The following PLD5 variants were observed in gnomAD, a reference collection of about 807,000 sequenced individuals.
PLD5 encodes the protein phospholipase D family member 5.
Under a neutral mutation model 61.1 loss-of-function variants are expected in PLD5, and 36 were observed. The ratio of observed to expected loss-of-function variants is 0.59; its 90% confidence interval spans 0.45 to 0.78. The LOEUF (loss-of-function observed/expected upper bound fraction) is 0.78, where lower values mean the gene tolerates loss of function less well. Ranked by LOEUF, PLD5 falls within the 30% of genes least tolerant of loss-of-function variation. The probability of loss-of-function intolerance (pLI) is 0.00; values close to 1 mark genes in which losing one functional copy is unlikely to be tolerated. For synonymous variants in PLD5, 243 were observed against 242.8 expected (o/e 1.00, Z -0.01); for missense variants, 515 against 644.4 (o/e 0.80, Z 2.17).
intron 5 of PLD5, among the ~76,000 whole-genome samples, chr1:242,157,842 T>G (rs1355761339): frequency 6.6e-6 from 1 of 152,222 alleles, no homozygotes; most frequent in Admixed American, 6.5e-5. Context: ...GCTCCAACGC[T>G]GTGCTGGGGG....
chr1:242,426,886 T>A (rs959227037), intron 1 of PLD5, among the ~76,000 whole-genome samples: 1 of 152,208 alleles, frequency 6.6e-6, no homozygotes, highest in African/African-American at 2.4e-5. Flanking sequence ...GCAGAAGTGA[T>A]GTGCGCCACC....
At chr1:242,111,185 T>C (rs1661463167) in intron 7 of PLD5, among the ~76,000 whole-genome samples, 1 of 151,942 alleles carries the variant, frequency 6.6e-6, no homozygotes, top group African/African-American at 2.4e-5. Context: ...GCCTCCCGAG[T>C]AGCTGGGATT....
At chr1:242,437,229 A>G (rs979998378) in intron 1 of PLD5, among the ~76,000 whole-genome samples, 1 of 152,286 alleles carries the variant, frequency 6.6e-6, no homozygotes, top group Middle Eastern at 3.4e-3. Context: ...ATTTAAATCG[A>G]AAGTAACTGA....
chr1:242,399,783 C>T (rs1414640094), intron 1 of PLD5, among the ~76,000 whole-genome samples: 7 of 152,204 alleles, frequency 4.6e-5, no homozygotes, highest in African/African-American at 1.7e-4. Context: ...TGAGCTCCGC[C>T]TCCTGTCAGA....
rs549801377 is a variant in PLD5, at chr1:242,235,414, T to C, written c.608-15299A>G. 1.2e-3 allele frequency: 190 copies of C among 152,332 alleles called. 2 individuals carry two copies. The highest frequency in any genetic ancestry group is 4.1e-3 in the African/African-American group (172 of 41,570). The allele number at this position is 152,332 out of a possible 1,614,324, so 9.4% of individuals were successfully genotyped here. A position where few individuals can be genotyped will look rare whatever the true frequency, so the allele number is the denominator to read the frequency against. On this transcript the variant is annotated intron_variant, in intron 4 of 9. Transcript: ENST00000536534. ...TAAATTCTTCCTGATTAACGTCGGT[T>C]CACTGTACCCAGCAGAAAGCTCAGT...
At chr1:242,439,373 T>C (rs966641890) in intron 1 of PLD5, among the ~76,000 whole-genome samples, 4 of 151,986 alleles carry the variant, frequency 2.6e-5, no homozygotes, top group African/African-American at 9.7e-5. Flanking sequence ...TCCAGCAGAA[T>C]GGGAAAAAGG....
At chr1:242,500,212 A>G (rs1668510042) in intron 1 of PLD5, among the ~76,000 whole-genome samples, 1 of 152,248 alleles carries the variant, frequency 6.6e-6, no homozygotes, top group Admixed American at 6.5e-5. Flanking sequence ...GCCATGTTTA[A>G]AAACCACTGT....
chr1:242,218,140 C>T (rs866685331), intron 5 of PLD5, among the ~76,000 whole-genome samples: 4 of 152,134 alleles, frequency 2.6e-5, no homozygotes, highest in South Asian at 4.1e-4. Flanking sequence ...GCTATAGCCA[C>T]CCTAGCCTTT....
intron 7 of PLD5, among the ~76,000 whole-genome samples, chr1:242,111,816 T>A (rs946371453): frequency 2.0e-5 from 3 of 152,228 alleles, no homozygotes; most frequent in African/African-American, 4.8e-5. Context: ...AGGTTTAAAA[T>A]TTTAAAAATA....
At chr1:242,131,493 G>C (rs555551132) in intron 5 of PLD5, among the ~76,000 whole-genome samples, 1 of 152,122 alleles carries the variant, frequency 6.6e-6, no homozygotes, top group Admixed American at 6.5e-5. Context: ...TATAGTGCTC[G>C]CTGTGCTCCA....
chr1:242,329,691 A>G (rs1659048888), intron 2 of PLD5, among the ~76,000 whole-genome samples: 1 of 152,200 alleles, frequency 6.6e-6, no homozygotes, highest in African/African-American at 2.4e-5. Flanking sequence ...TTCCTAATCC[A>G]TATCATCGGG....
rs1394956378 is a variant in PLD5, at chr1:242,524,453, G to A, written c.-177C>T. ...AGCGCGGGGTGCTGAGCGCCAGCTGGGAGCGCGGCCGGGCGGGAGGGGGCG... is the reference window on the plus strand; with the variant it reads ...AGCGCGGGGTGCTGAGCGCCAGCTGAGAGCGCGGCCGGGCGGGAGGGGGCG... On this transcript the variant is annotated 5_prime_UTR_variant, in exon 1 of 10. Coordinates refer to ENST00000536534, the MANE Select transcript of PLD5 (RefSeq NM_001372062.1). 4 of 509,344 alleles carry A rather than the reference G, an allele frequency of 7.9e-6. No individual in the cohort carries two copies. The highest frequency in any genetic ancestry group is 1.2e-5 in the Non-Finnish European group (4 of 338,246). 31.6% of individuals were successfully genotyped at this position (509,344 alleles called of 1,614,324 possible).
intron 1 of PLD5, among the ~76,000 whole-genome samples, chr1:242,448,524 C>T (rs1177493340): frequency 6.6e-6 from 1 of 152,170 alleles, no homozygotes; most frequent in African/African-American, 2.4e-5. Flanking sequence ...TTAATCCTTT[C>T]GAGAAAATGT....
At chr1:242,174,659 T>A (rs1157423798) in intron 5 of PLD5, among the ~76,000 whole-genome samples, 2 of 152,182 alleles carry the variant, frequency 1.3e-5, no homozygotes, top group Non-Finnish European at 2.9e-5. Context: ...CAAATGTCCA[T>A]CAATGATAGA....
intron 3 of PLD5, among the ~76,000 whole-genome samples, chr1:242,275,243 G>A (rs1264517634): frequency 6.6e-6 from 1 of 151,184 alleles, no homozygotes; most frequent in East Asian, 1.9e-4. Context: ...GACCTAAGAG[G>A]AAAGATCATA....
chr1:242,412,045 T>C (rs1377806396), intron 1 of PLD5, among the ~76,000 whole-genome samples: 1 of 152,136 alleles, frequency 6.6e-6, no homozygotes, highest in Non-Finnish European at 1.5e-5. Flanking sequence ...AGGTGAGCAT[T>C]TGAAGAAAAA....
intron 1 of PLD5, among the ~76,000 whole-genome samples, chr1:242,358,719 G>A (rs1202110967): frequency 6.6e-6 from 1 of 152,186 alleles, no homozygotes; most frequent in Non-Finnish European, 1.5e-5. Flanking sequence ...ATTGGATTGT[G>A]ATGAATGGAC....
At chr1:242,461,695 T>C (rs1278965302) in intron 1 of PLD5, among the ~76,000 whole-genome samples, 1 of 152,194 alleles carries the variant, frequency 6.6e-6, no homozygotes, top group Non-Finnish European at 1.5e-5. Flanking sequence ...TGAACTAACT[T>C]ATATTCCAAC....
chr1:242,313,890 T>C (rs1440601565), intron 2 of PLD5, among the ~76,000 whole-genome samples: 1 of 152,074 alleles, frequency 6.6e-6, no homozygotes, highest in Non-Finnish European at 1.5e-5. Flanking sequence ...TGCAGGGTTT[T>C]CAAGGTGAAT....
Sources: allele counts gnomAD v4.1 joint callset (sites outside exome capture counted in the v4.1 genomes callset), GRCh38; gene constraint gnomAD v4.1.1; transcripts MANE v1.5; gene names NCBI Gene and HGNC (gene_info 2026-07-23, HGNC 2026-07-21).